RPAP2: variants seen among roughly 807,000 people sequenced by gnomAD.
RPAP2 encodes the protein putative RNA polymerase II subunit B1 CTD phosphatase RPAP2.
A neutral mutation model predicts 73.1 loss-of-function variants in RPAP2; 52 were observed. The observed-to-expected ratio is 0.71, with a 90% confidence interval of 0.57 to 0.90. The LOEUF is 0.90. Among genes scored for constraint, RPAP2 ranks in the 40% least tolerant of loss-of-function variants. The pLI is 0.00. For synonymous variants in RPAP2, 225 were observed against 242.1 expected, an observed-to-expected ratio of 0.93 and a Z score of 0.65; for missense variants, 598 against 701.8, an observed-to-expected ratio of 0.85 and a Z score of 1.67.
chr1:92,378,142 A>G (rs532197684), intron 11 of RPAP2, among the ~76,000 whole-genome samples: 1 of 152,350 alleles, frequency 6.6e-6, no homozygotes, highest in Admixed American at 6.5e-5. Flanking sequence ...CTTGAAAGTC[A>G]GAGAAGTCGT....
intron 11 of RPAP2, among the ~76,000 whole-genome samples, chr1:92,376,174 C>T (rs992289504): frequency 2.2e-4 from 33 of 151,756 alleles, no homozygotes; most frequent in Admixed American, 5.3e-4. Flanking sequence ...TTAAAGTATA[C>T]GGGAGGATGT....
chr1:92,301,909 T>A lies in RPAP2; in HGVS notation c.234+319T>A, dbSNP rs1350590037. 2.0e-5 allele frequency among the ~76,000 whole-genome samples: 3 copies of A among 152,294 alleles called. 1 individual carries two copies. The highest frequency in any genetic ancestry group is 4.8e-5 in the African/African-American group (2 of 41,572). ...ATATGTGAGGTGATAGATATGTTAA[T>A]TAGCCTGATTTGCTCAATGTATACA... On this transcript the variant is annotated intron_variant, in intron 3 of 12. Coordinates refer to ENST00000610020, the MANE Select transcript of RPAP2 (RefSeq NM_024813.3).
chr1:92,309,536 CACACATACACATACACAT>C (rs55988882), intron 6 of RPAP2, among the ~76,000 whole-genome samples: 53 of 151,018 alleles, frequency 3.5e-4, no homozygotes, highest in African/African-American at 1.1e-3. Flanking sequence ...TGGCAGGCTA[CACACATACACATACACAT>C]ACACATACAC....
chr1:92,347,983 C>T (rs1571104604), intron 11 of RPAP2, among the ~76,000 whole-genome samples: 1 of 152,048 alleles, frequency 6.6e-6, no homozygotes, highest in Non-Finnish European at 1.5e-5. Flanking sequence ...AATCTCGGCT[C>T]ACTGCAGCCT....
chr1:92,379,117 T>C (rs771977572), intron 11 of RPAP2, among the ~76,000 whole-genome samples: 1 of 152,256 alleles, frequency 6.6e-6, no homozygotes, highest in Non-Finnish European at 1.5e-5. Context: ...CCGTATAGGA[T>C]GGGCTAAGCA....
intron 8 of RPAP2, among the ~76,000 whole-genome samples, chr1:92,329,936 G>A (rs539462968): frequency 1.6e-4 from 25 of 152,270 alleles, no homozygotes; most frequent in Admixed American, 1.0e-3. Context: ...TTTCCAAAGC[G>A]TGAAAATGTG....
chr1:92,332,929 T>G (rs1352878962), intron 8 of RPAP2, among the ~76,000 whole-genome samples: 4 of 152,152 alleles, frequency 2.6e-5, no homozygotes, highest in Admixed American at 2.6e-4. Context: ...TGTGGATTGT[T>G]TTCCCCCAAC....
At chr1:92,386,288 T>C (rs1006884830) in intron 12 of RPAP2, among the ~76,000 whole-genome samples, 1 of 152,164 alleles carries the variant, frequency 6.6e-6, no homozygotes, top group Non-Finnish European at 1.5e-5. Context: ...TTGGGGGATA[T>C]CTTAGAAGGT....
chr1:92,364,450 C>T (rs144376699), intron 11 of RPAP2, among the ~76,000 whole-genome samples: 140 of 152,196 alleles, frequency 9.2e-4, no homozygotes, highest in African/African-American at 3.2e-3. Context: ...TTTCTCCCCC[C>T]AAAATGGTAT....
At position 92,391,415 on chromosome 1, in the gene RPAP2, C is replaced by T. The variant is rs1656036292; in HGVS notation, c.*4404C>T. 1 of 151,930 alleles carries T rather than the reference C, an allele frequency of 6.6e-6. No homozygotes were observed. Among genetic ancestry groups the T allele is most frequent in the Non-Finnish European group, 1.5e-5 (1 of 68,006 alleles). The allele number at this position is 151,930 out of a possible 1,614,324, so 9.4% of individuals were successfully genotyped here. On this transcript the variant is annotated 3_prime_UTR_variant, in exon 13 of 13. Coordinates refer to ENST00000610020, the MANE Select transcript of RPAP2 (RefSeq NM_024813.3). Reference sequence around the variant, plus strand: ...GAGGGAAATTTATAGCACTAAATGCCCACAAGTGAAAGCAGGAGTGATCTA... The same window carrying T: ...GAGGGAAATTTATAGCACTAAATGCTCACAAGTGAAAGCAGGAGTGATCTA...
Position 92,398,647 on chromosome 1 carries a change from C to G in RPAP2, c.*11636C>G, listed in dbSNP as rs896345306. 1 of 152,212 alleles carries G rather than the reference C, an allele frequency of 6.6e-6. No homozygotes were observed. Among genetic ancestry groups the G allele is most frequent in the Non-Finnish European group, 1.5e-5 (1 of 68,070 alleles). The allele number at this position is 152,212 out of a possible 1,614,324, so 9.4% of individuals were successfully genotyped here. A position where few individuals can be genotyped will look rare whatever the true frequency, so the allele number is the denominator to read the frequency against. The stretch of plus-strand genomic sequence containing the variant: ...TTCATCTGAAATGTACCTAGGCAGG[C>G]CAGAGTCTGAGTTAGGACTGGCTCC... On this transcript the variant is annotated 3_prime_UTR_variant, in exon 13 of 13. Coordinates refer to ENST00000610020, the MANE Select transcript of RPAP2 (RefSeq NM_024813.3).
intron 11 of RPAP2, among the ~76,000 whole-genome samples, chr1:92,349,546 C>T (rs568359006): frequency 6.6e-6 from 1 of 152,266 alleles, no homozygotes; most frequent in African/African-American, 2.4e-5. Context: ...AATTTTCACA[C>T]CTTTATTCTT....
At chr1:92,380,086 T>A (rs767918085) in intron 11 of RPAP2, among the ~76,000 whole-genome samples, 9 of 151,168 alleles carry the variant, frequency 6.0e-5, no homozygotes, top group Non-Finnish European at 1.0e-4. Context: ...GAGACCAGCC[T>A]GGCCAACATG....
At chr1:92,304,810 A>G (rs756113087) in intron 5 of RPAP2, among the ~76,000 whole-genome samples, 8 of 152,212 alleles carry the variant, frequency 5.3e-5, no homozygotes, top group Non-Finnish European at 1.2e-4. Context: ...AATTTTAGGT[A>G]GATTAAAGAC....
chr1:92,311,051 A>G (rs755236489), intron 6 of RPAP2, among the ~76,000 whole-genome samples: 53 of 152,350 alleles, frequency 3.5e-4, no homozygotes, highest in Non-Finnish European at 5.4e-4. Flanking sequence ...TACTACATGA[A>G]ATGCCTCTGA....
chr1:92,386,884 G>T, intron 12 of RPAP2, 127 bp from the exon 13 acceptor site: 1 of 624,134 alleles, frequency 1.6e-6, no homozygotes, highest in South Asian at 3.3e-5. Flanking sequence ...GGGTTTTTTT[G>T]TATTTTTAGT....
intron 7 of RPAP2, among the ~76,000 whole-genome samples, chr1:92,323,060 AC>A (rs1422170077): frequency 1.4e-5 from 2 of 146,148 alleles, no homozygotes; most frequent in African/African-American, 2.5e-5. Flanking sequence ...TTATATATAT[AC>A]TTTATATATA....
At position 92,330,660 on chromosome 1, in the gene RPAP2, C is replaced by G. The variant is rs912040927; in HGVS notation, c.1456-2731C>G. Among the ~76,000 whole-genome samples the G allele has an allele frequency of 2.0e-5, 3 of 151,916 alleles. No homozygotes were observed. In the South Asian group the frequency reaches 6.3e-4, roughly 32 times the overall value. On this transcript the variant is annotated intron_variant, in intron 8 of 12. Transcript: ENST00000610020. ...CACAGTTTCACCATGTTGGCCAGGC[C>G]AGGTTGGTCTCGAACTCGTGAGCTC...
At chr1:92,306,833 A>G (rs982520005) in intron 5 of RPAP2, among the ~76,000 whole-genome samples, 1 of 152,220 alleles carries the variant, frequency 6.6e-6, no homozygotes, top group African/African-American at 2.4e-5. Context: ...TGAATGAAGT[A>G]AGATAAGAAT....
Sources: allele counts gnomAD v4.1 joint callset (sites outside exome capture counted in the v4.1 genomes callset), GRCh38; gene constraint gnomAD v4.1.1; transcripts MANE v1.5; gene names NCBI Gene and HGNC (gene_info 2026-07-23, HGNC 2026-07-21).